The following CADM2 variants were observed in gnomAD, a reference collection of about 807,000 sequenced individuals.
CADM2 encodes immunoglobulin superfamily member 4D.
A neutral mutation model predicts 49.8 loss-of-function variants in CADM2; 12 were observed. That is an observed-to-expected ratio of 0.24 (90% CI 0.15 to 0.39). The LOEUF (loss-of-function observed/expected upper bound fraction) is 0.39. Ranked by LOEUF, CADM2 falls within the 10% of genes least tolerant of loss-of-function variation. The pLI is 1.00. For synonymous variants in CADM2, 214 were observed against 175.4 expected (o/e 1.22, Z -1.74); for missense variants, 378 against 492.3 (o/e 0.77, Z 2.20).
intron 1 of CADM2, among the ~76,000 whole-genome samples, chr3:85,298,529 A>G (rs1386714451): frequency 1.3e-5 from 2 of 152,114 alleles, no homozygotes; most frequent in Non-Finnish European, 2.9e-5. Flanking sequence ...TGGTTTCTGA[A>G]CAGACTAGGG....
intron 1 of CADM2, among the ~76,000 whole-genome samples, chr3:85,701,758 G>T (rs1215484454): frequency 6.6e-6 from 1 of 152,046 alleles, no homozygotes; most frequent in East Asian, 1.9e-4. Context: ...TGAGGCCATA[G>T]AAAAGATGCT....
At chr3:85,792,533 A>G (rs1364141074) in intron 2 of CADM2, among the ~76,000 whole-genome samples, 3 of 152,070 alleles carry the variant, frequency 2.0e-5, no homozygotes, top group African/African-American at 7.2e-5. Flanking sequence ...CTACCAACTA[A>G]CTCACTTCCT....
At chr3:85,426,603 C>T (rs2036418873) in intron 1 of CADM2, among the ~76,000 whole-genome samples, 1 of 152,090 alleles carries the variant, frequency 6.6e-6, no homozygotes, top group South Asian at 2.1e-4. Flanking sequence ...TCCATCCCCT[C>T]AAGCATTATC....
At chr3:85,036,997 GAAAAAAA>G (rs10566030) in intron 1 of CADM2, among the ~76,000 whole-genome samples, 2 of 78,014 alleles carry the variant, frequency 2.6e-5, no homozygotes, top group African/African-American at 1.0e-4. Context: ...ACTAAAAATA[GAAAAAAA>G]AAAAAAAAAA....
intron 1 of CADM2, among the ~76,000 whole-genome samples, chr3:85,301,240 T>C (rs996305098): frequency 1.5e-4 from 23 of 151,984 alleles, no homozygotes; most frequent in African/African-American, 5.6e-4. Context: ...TTCTTGCCAA[T>C]TGAGAGGAGA....
intron 1 of CADM2, among the ~76,000 whole-genome samples, chr3:85,671,582 ACCCTACATTGTTTTT>A (rs2065737770): frequency 6.6e-6 from 1 of 151,946 alleles, no homozygotes; most frequent in Non-Finnish European, 1.5e-5. Context: ...AGTACCTTTA[ACCCTACATTGTTTTT>A]CCCTTCTCCT....
chr3:85,336,499 T>C (rs546037544), intron 1 of CADM2, among the ~76,000 whole-genome samples: 1 of 151,588 alleles, frequency 6.6e-6, no homozygotes, highest in Non-Finnish European at 1.5e-5. Flanking sequence ...TTTTCTTTTT[T>C]CAGTTTTTCA....
chr3:85,016,164 C>T (rs2034239398), intron 1 of CADM2, among the ~76,000 whole-genome samples: 1 of 151,988 alleles, frequency 6.6e-6, no homozygotes. Context: ...TAAAGTAATG[C>T]CAGGTAGATT....
intron 3 of CADM2, among the ~76,000 whole-genome samples, chr3:85,863,703 T>C (rs746895212): frequency 2.6e-5 from 4 of 152,190 alleles, no homozygotes; most frequent in Non-Finnish European, 5.9e-5. Flanking sequence ...TATTCTGTTA[T>C]AGTAGCGAAA....
chr3:86,023,540 T>C (rs1733479618), intron 8 of CADM2, among the ~76,000 whole-genome samples: 1 of 152,132 alleles, frequency 6.6e-6, no homozygotes, highest in South Asian at 2.1e-4. Flanking sequence ...GTATTTTTAG[T>C]AGAGACGGGG....
At chr3:85,744,481 C>T (rs2068528161) in intron 2 of CADM2, among the ~76,000 whole-genome samples, 1 of 151,482 alleles carries the variant, frequency 6.6e-6, no homozygotes, top group Non-Finnish European at 1.5e-5. Flanking sequence ...AACCCATAAA[C>T]ATATACATCT....
intron 1 of CADM2, among the ~76,000 whole-genome samples, chr3:85,550,827 C>T (rs17458609): frequency 0.51 from 77,816 of 151,842 alleles, 23,016 homozygotes; most frequent in East Asian, 0.85. Flanking sequence ...ACTCTGATTT[C>T]CAGCCACAGG....
Position 85,307,942 on chromosome 3 carries a change from G to GAA in CADM2, c.61+348286_61+348287dup, listed in dbSNP as rs59683458. On this transcript the variant is annotated intron_variant, in intron 1 of 9. Transcript: ENST00000383699. The stretch of plus-strand genomic sequence containing the variant: ...CAAAACTGTACCCCCAGAAAAATTA[G>GAA]AAAAAAAAAAAAACACAATAATTTT... 2.7e-3 allele frequency among the ~76,000 whole-genome samples: 344 copies of GAA among 127,280 alleles called. 2 individuals carry two copies. The highest frequency in any genetic ancestry group is 8.5e-3 in the African/African-American group (318 of 37,624). 83.5% of individuals were successfully genotyped at this position (127,280 alleles called of 152,430 possible).
chr3:86,003,687 A>C (rs1401342753), intron 8 of CADM2, among the ~76,000 whole-genome samples: 2 of 152,202 alleles, frequency 1.3e-5, no homozygotes, highest in African/African-American at 4.8e-5. Context: ...TGGCATAGAC[A>C]ATAGTCACAG....
chr3:85,951,533 A>T (rs906109992), intron 7 of CADM2, among the ~76,000 whole-genome samples: 3 of 151,026 alleles, frequency 2.0e-5, no homozygotes, highest in Admixed American at 1.3e-4. Flanking sequence ...TTTTTCAAAC[A>T]TGTCTATTTT....
chr3:86,026,351 GT>G (rs532727746), intron 8 of CADM2, among the ~76,000 whole-genome samples: 6 of 149,490 alleles, frequency 4.0e-5, no homozygotes, highest in South Asian at 2.1e-4. Context: ...TTTTTTTTTG[GT>G]TTTTTTTTGG....
At chr3:85,002,702 A>G (rs1038241265) in intron 1 of CADM2, among the ~76,000 whole-genome samples, 3 of 152,168 alleles carry the variant, frequency 2.0e-5, no homozygotes, top group Admixed American at 6.6e-5. Context: ...CTCTTTTACC[A>G]TCTCCACAGA....
At chr3:85,036,931 C>T (rs937114255) in intron 1 of CADM2, among the ~76,000 whole-genome samples, 3 of 148,604 alleles carry the variant, frequency 2.0e-5, no homozygotes, top group Non-Finnish European at 4.4e-5. Context: ...GCAGGTGGAT[C>T]GCCTGAGGTC....
At chr3:85,043,923 A>G (rs2035547774) in intron 1 of CADM2, among the ~76,000 whole-genome samples, 2 of 152,140 alleles carry the variant, frequency 1.3e-5, no homozygotes, top group Admixed American at 1.3e-4. Context: ...AAAAGCTCCT[A>G]TCATAAATAG....
Sources: gnomAD v4.1 joint callset for allele counts (sites outside exome capture counted in the v4.1 genomes callset) on GRCh38, gnomAD v4.1.1 for gene constraint, MANE v1.5 for transcripts, NCBI Gene and HGNC (gene_info 2026-07-23, HGNC 2026-07-21) for gene names.